Variants in QTMAN observed in about 807,000 individuals in gnomAD.
The protein encoded by QTMAN is queuosine-tRNA mannosyltransferase.
At chr2:144,122,093 G>T in the QTMAN span, among the ~76,000 whole-genome samples, 47,564 of 151,956 alleles carry the variant, frequency 0.31, 8,512 homozygotes, top group Non-Finnish European at 0.39. Context: ...GAACCAAAGA[G>T]CCTAGAATTA....
the QTMAN span, among the ~76,000 whole-genome samples, chr2:144,163,389 T>C: frequency 6.6e-6 from 1 of 152,196 alleles, no homozygotes; most frequent in Non-Finnish European, 1.5e-5. Context: ...TTATAAAATA[T>C]TCTTAGGTAA....
chr2:144,318,853 G>A, the QTMAN span, among the ~76,000 whole-genome samples: 1 of 151,974 alleles, frequency 6.6e-6, no homozygotes, highest in Non-Finnish European at 1.5e-5. Context: ...ATTCACTGAG[G>A]GAAAAAAATG....
At chr2:144,271,773 G>A in the QTMAN span, among the ~76,000 whole-genome samples, 1 of 152,050 alleles carries the variant, frequency 6.6e-6, no homozygotes. Context: ...AAACTGTACT[G>A]AGCAAGTCAG....
the QTMAN span, chr2:144,294,639 T>C: frequency 1.3e-5 from 2 of 152,082 alleles, no homozygotes; most frequent in Non-Finnish European, 2.9e-5. Context: ...TACTTGAAAT[T>C]TGTTTAACAT....
chr2:144,253,774 C>A, the QTMAN span, among the ~76,000 whole-genome samples: 1 of 150,426 alleles, frequency 6.6e-6, no homozygotes, highest in African/African-American at 2.5e-5. Flanking sequence ...AAAAAAAAAA[C>A]ATTTTCTAGG....
the QTMAN span, chr2:144,179,008 T>G: frequency 2.2e-6 from 1 of 461,442 alleles, no homozygotes; most frequent in South Asian, 1.6e-5. Context: ...CCATAAAACT[T>G]CTTTGATTAT....
chr2:144,074,213 G>A, the QTMAN span, among the ~76,000 whole-genome samples: 13 of 152,296 alleles, frequency 8.5e-5, no homozygotes, highest in Non-Finnish European at 1.6e-4. Flanking sequence ...AAGAATTTAG[G>A]AGCAGGGTTG....
At chr2:144,276,318 G>A in the QTMAN span, among the ~76,000 whole-genome samples, 2 of 151,912 alleles carry the variant, frequency 1.3e-5, no homozygotes, top group African/African-American at 2.4e-5. Flanking sequence ...AAGTGCATGG[G>A]ATACAGGCAT....
At chr2:143,954,709 G>T in the QTMAN span, among the ~76,000 whole-genome samples, 1 of 151,734 alleles carries the variant, frequency 6.6e-6, no homozygotes, top group African/African-American at 2.4e-5. Flanking sequence ...TATTAAATAG[G>T]CCATAGTATT....
chr2:143,962,346 A>G, the QTMAN span, among the ~76,000 whole-genome samples: 1 of 152,080 alleles, frequency 6.6e-6, no homozygotes, highest in East Asian at 1.9e-4. Flanking sequence ...ATAACACAAG[A>G]CATAGAGGTG....
chr2:144,233,712 C>G, the QTMAN span, among the ~76,000 whole-genome samples: 1 of 152,026 alleles, frequency 6.6e-6, no homozygotes, highest in African/African-American at 2.4e-5. Context: ...ATTTTCTTGC[C>G]CCTTTAAAGT....
At chr2:144,320,899 T>C in the QTMAN span, among the ~76,000 whole-genome samples, 13 of 152,306 alleles carry the variant, frequency 8.5e-5, no homozygotes, top group East Asian at 2.5e-3. Flanking sequence ...CTGAAGTTCA[T>C]CACTTTCATT....
the QTMAN span, among the ~76,000 whole-genome samples, chr2:144,221,798 G>A: frequency 6.6e-6 from 1 of 152,120 alleles, no homozygotes; most frequent in Admixed American, 6.5e-5. Flanking sequence ...AATCGACAAG[G>A]GTTAAAACTA....
chr2:144,277,885 G>A, the QTMAN span, among the ~76,000 whole-genome samples: 2 of 152,074 alleles, frequency 1.3e-5, no homozygotes, highest in Non-Finnish European at 2.9e-5. Context: ...ATACCAAAAT[G>A]GCTAGAAAGC....
At chr2:144,054,526 A>G in the QTMAN span, among the ~76,000 whole-genome samples, 1 of 152,200 alleles carries the variant, frequency 6.6e-6, no homozygotes, top group African/African-American at 2.4e-5. Context: ...GTTAACATGT[A>G]TATTTTTAGA....
At chr2:143,966,494 G>A in the QTMAN span, among the ~76,000 whole-genome samples, 1 of 152,166 alleles carries the variant, frequency 6.6e-6, no homozygotes, top group African/African-American at 2.4e-5. Context: ...AACAAAGAAC[G>A]TATTTTAAAA....
chr2:144,302,866 C>T, the QTMAN span, among the ~76,000 whole-genome samples: 4 of 152,072 alleles, frequency 2.6e-5, no homozygotes, highest in South Asian at 8.4e-4. Context: ...TTTGGGAGGC[C>T]GAGGCGGGGG....
chr2:144,000,126 G>T, the QTMAN span, among the ~76,000 whole-genome samples: 1 of 151,978 alleles, frequency 6.6e-6, no homozygotes, highest in African/African-American at 2.4e-5. Context: ...CTTTGGCCAT[G>T]GATTTCTTAG....
chr2:144,200,371 C>G, the QTMAN span, among the ~76,000 whole-genome samples: 1 of 152,250 alleles, frequency 6.6e-6, no homozygotes, highest in South Asian at 2.1e-4. Context: ...AACTAAAAAG[C>G]CTTAAAATAC....
Sources: gnomAD v4.1 joint callset for allele counts (sites outside exome capture counted in the v4.1 genomes callset) on GRCh38, gnomAD v4.1.1 for gene constraint, MANE v1.5 for transcripts, NCBI Gene and HGNC (gene_info 2026-07-23, HGNC 2026-07-21) for gene names.